MGST3: variants seen among roughly 807,000 people sequenced by gnomAD.
MGST3 encodes glutathione S-transferase 3, mitochondrial.
A neutral mutation model predicts 15.8 loss-of-function variants in MGST3; 13 were observed. The observed-to-expected ratio is 0.82, with a 90% CI of 0.54 to 1.31. The LOEUF (loss-of-function observed/expected upper bound fraction) is 1.31, where lower values mean the gene tolerates loss of function less well. Ranked by LOEUF, MGST3 falls within the 50% of genes most tolerant of loss-of-function variation. The pLI, the probability that MGST3 is intolerant of heterozygous loss-of-function variation, is 0.00. For missense variants in MGST3, 155 were observed against 192.4 expected, an observed-to-expected ratio of 0.81 and a Z score of 1.15; for synonymous variants, 49 against 68.1, an observed-to-expected ratio of 0.72 and a Z score of 1.38.
At chr1:165,651,354 C>T (rs1648549257) in intron 3 of MGST3, 1 of 511,490 alleles carries the variant, frequency 2.0e-6, no homozygotes, top group African/African-American at 1.9e-5. Flanking sequence ...GCAGCATGAC[C>T]CATCTAAACC....
chr1:165,648,122 A>G (rs528298727), intron 1 of MGST3, among the ~76,000 whole-genome samples: 5 of 152,208 alleles, frequency 3.3e-5, no homozygotes, highest in Non-Finnish European at 7.3e-5. Flanking sequence ...GACTTTCTAC[A>G]CTTGGGAAGA....
At chr1:165,649,215 G>T (rs763365164) in intron 1 of MGST3, 1 of 154,642 alleles carries the variant, frequency 6.5e-6, no homozygotes, top group African/African-American at 2.4e-5. Context: ...GCACCCGCAC[G>T]TGCCCCAGGA....
At chr1:165,632,049 CTCCTTAGTGAGTCAT>C (rs1485855883) in intron 1 of MGST3, 2 of 576,018 alleles carry the variant, frequency 3.5e-6, no homozygotes, top group Non-Finnish European at 3.2e-6. Context: ...GCGCTGGAGA[CTCCTTAGTGAGTCAT>C]TCCCCGAAGT....
At chr1:165,631,704 G>T (rs1279168957) in intron 1 of MGST3, among the ~76,000 whole-genome samples, 5 of 141,316 alleles carry the variant, frequency 3.5e-5, no homozygotes, top group Admixed American at 7.1e-5. Flanking sequence ...GGACACTGCC[G>T]GGGGAGTGGT....
At chr1:165,636,141 A>T (rs943276265) in intron 1 of MGST3, among the ~76,000 whole-genome samples, 11 of 152,174 alleles carry the variant, frequency 7.2e-5, no homozygotes, top group Non-Finnish European at 5.9e-5. Flanking sequence ...AAGAAATCCC[A>T]TGACTCTCCT....
intron 1 of MGST3, among the ~76,000 whole-genome samples, chr1:165,638,419 C>T (rs1249552156): frequency 3.3e-5 from 5 of 151,944 alleles, no homozygotes; most frequent in Non-Finnish European, 7.4e-5. Flanking sequence ...CTGCAGTGAG[C>T]CCTGATTGTG....
At chr1:165,645,908 T>C (rs1324107836) in intron 1 of MGST3, 1 of 151,872 alleles carries the variant, frequency 6.6e-6, no homozygotes, top group African/African-American at 2.4e-5. Flanking sequence ...ACCAAGTGAA[T>C]TGCAAAGTCA....
chr1:165,651,646 G>A (rs747767888), intron 3 of MGST3: 3 of 342,286 alleles, frequency 8.8e-6, no homozygotes, highest in Non-Finnish European at 1.1e-5. Flanking sequence ...GCTCACACCT[G>A]TAATCCCAGC....
chr1:165,639,124 A>G (rs1648199441), intron 1 of MGST3, among the ~76,000 whole-genome samples: 1 of 152,132 alleles, frequency 6.6e-6, no homozygotes, highest in South Asian at 2.1e-4. Flanking sequence ...TCCCTCCCCT[A>G]TGCTCTTGGG....
Position 165,654,273 on chromosome 1 carries a change from T to C in MGST3, c.250-6T>C, listed in dbSNP as rs370460772. 4.0e-4 allele frequency: 647 copies of C among 1,614,148 alleles called. 5 individuals are homozygous for C. In the Middle Eastern group the frequency reaches 4.9e-3, roughly 12 times the overall value. ...TGCAAATACTAATGTAGCCCTTTTT[T>C]CTTAGCGTATAGCTTCTGGCCTGGG... On this transcript the variant is annotated splice_region_variant and splice_polypyrimidine_tract_variant and intron_variant, in intron 4 of 5. Coordinates refer to ENST00000367889, the MANE Select transcript of MGST3 (RefSeq NM_004528.4).
At chr1:165,650,044 G>A (rs1345842548) in intron 2 of MGST3, 80 bp downstream of exon 2, 17 of 1,596,616 alleles carry the variant, frequency 1.1e-5, no homozygotes, top group Non-Finnish European at 1.4e-5. Context: ...TTTCAGCCAT[G>A]GAGGGAGAGG....
At chr1:165,645,429 C>G (rs1054518874) in intron 1 of MGST3, among the ~76,000 whole-genome samples, 2 of 152,000 alleles carry the variant, frequency 1.3e-5, no homozygotes, top group African/African-American at 4.8e-5. Context: ...ACAAGGCCTT[C>G]TGGAATACCT....
intron 1 of MGST3, among the ~76,000 whole-genome samples, chr1:165,644,756 G>T (rs894447993): frequency 8.6e-5 from 13 of 151,852 alleles, no homozygotes; most frequent in Middle Eastern, 3.4e-3. Context: ...TTTGTTTTTT[G>T]TTTTCTTTTG....
intron 1 of MGST3, chr1:165,647,112 T>C (rs529897866): frequency 1.3e-5 from 2 of 152,356 alleles, no homozygotes; most frequent in African/African-American, 4.8e-5. Flanking sequence ...TGTTGCTGGC[T>C]CTGCTTGTCA....
chr1:165,650,022 C>T, intron 2 of MGST3, 58 bp downstream of exon 2: 8 of 1,609,766 alleles, frequency 5.0e-6, no homozygotes, highest in Admixed American at 1.7e-5. Flanking sequence ...ACAGGCTTAG[C>T]CAAGAACTTA....
intron 1 of MGST3, among the ~76,000 whole-genome samples, chr1:165,644,558 A>G (rs1648343909): frequency 6.6e-6 from 1 of 152,328 alleles, no homozygotes; most frequent in Non-Finnish European, 1.5e-5. Context: ...ATTTCTGTAC[A>G]CTGCTGCAGA....
intron 1 of MGST3, among the ~76,000 whole-genome samples, chr1:165,631,535 T>G (rs1270986801): frequency 1.3e-5 from 2 of 152,158 alleles, no homozygotes; most frequent in African/African-American, 2.4e-5. Flanking sequence ...CCCGACCTAT[T>G]TATGTGTAAC....
At chr1:165,641,123 C>T (rs1173135562) in intron 1 of MGST3, among the ~76,000 whole-genome samples, 1 of 152,182 alleles carries the variant, frequency 6.6e-6, no homozygotes, top group Non-Finnish European at 1.5e-5. Context: ...GCGGAGGTTG[C>T]AGTGAGCCTA....
At chr1:165,654,807 A>G (rs1165292739) in intron 5 of MGST3, among the ~76,000 whole-genome samples, 1 of 152,220 alleles carries the variant, frequency 6.6e-6, no homozygotes, top group Non-Finnish European at 1.5e-5. Flanking sequence ...TTTCAATTGT[A>G]ACGAAACTTA....
Sources: allele counts gnomAD v4.1 joint callset (sites outside exome capture counted in the v4.1 genomes callset), GRCh38; gene constraint gnomAD v4.1.1; transcripts MANE v1.5; gene names NCBI Gene and HGNC (gene_info 2026-07-23, HGNC 2026-07-21).